The following NUDT7 variants were observed in gnomAD, a reference collection of about 807,000 sequenced individuals.
The protein encoded by NUDT7 is peroxisomal coenzyme A diphosphatase NUDT7.
A neutral mutation model predicts 13.1 loss-of-function variants in NUDT7; 19 were observed. The ratio of observed to expected loss-of-function variants is 1.45; its 90% CI spans 1.01 to 2.13. NUDT7 has a LOEUF of 2.13. Ranked by LOEUF, NUDT7 falls within the 30% of genes most tolerant of loss-of-function variation. The pLI, the probability that NUDT7 is intolerant of heterozygous loss-of-function variation, is 0.00. For synonymous variants in NUDT7, 132 were observed against 109.7 expected (o/e 1.20, Z -1.27); for missense variants, 360 against 291.7 (o/e 1.23, Z -1.71).
At position 77,741,899 on chromosome 16, in the gene NUDT7, C is replaced by G; in HGVS notation, c.666C>G (p.Ser222=). 6.2e-7 allele frequency: 1 copy of G among 1,612,746 alleles called. No homozygotes were observed. The highest frequency in any genetic ancestry group is 8.5e-7 in the Non-Finnish European group (1 of 1,179,626). ...TTAATCTTAATGATGTATTAGCATC[C>G]TCTGAAGAGTTATTCCTGAAGGTTC... is the stretch of plus-strand genomic sequence containing the variant. ...VQFNLNDVLA[S]SEELFLKVHK... The change falls in exon 4 of 4, where the codon TCC becomes TCG. Residue 222 remains serine, a synonymous_variant. Transcript: ENST00000268533.
chr16:77,739,594 T>C (rs2014594819), intron 3 of NUDT7, among the ~76,000 whole-genome samples: 1 of 152,190 alleles, frequency 6.6e-6, no homozygotes, highest in South Asian at 2.1e-4. Context: ...TTATGACTTG[T>C]ATCTCAGTCT....
chr16:77,734,487 C>A (rs8059535), intron 2 of NUDT7, among the ~76,000 whole-genome samples: 1 of 151,922 alleles, frequency 6.6e-6, no homozygotes, highest in African/African-American at 2.4e-5. Flanking sequence ...GCCGGGCATG[C>A]TGGTGGGCAC....
intron 1 of NUDT7, 67 bp from the exon 2 acceptor site, chr16:77,725,364 C>A: frequency 7.1e-7 from 1 of 1,409,956 alleles, no homozygotes; most frequent in Non-Finnish European, 9.7e-7. Flanking sequence ...GAAACAGAGG[C>A]AGGACTATAA....
intron 2 of NUDT7, among the ~76,000 whole-genome samples, chr16:77,725,873 G>T (rs76657221): frequency 6.6e-6 from 1 of 152,198 alleles, no homozygotes; most frequent in African/African-American, 2.4e-5. Context: ...TGGTGTGGAG[G>T]CTGTCCTGTA....
intron 3 of NUDT7, among the ~76,000 whole-genome samples, chr16:77,740,842 C>T (rs1167043846): frequency 6.6e-6 from 1 of 152,144 alleles, no homozygotes; most frequent in African/African-American, 2.4e-5. Flanking sequence ...GCCACCACAC[C>T]CGGCCACTCA....
At position 77,735,842 on chromosome 16, in the gene NUDT7, T is replaced by G; in HGVS notation, c.204T>G (p.Pro68=). ...TCTATATCCAGCTAAGAAGGGCCCC[T>G]GGAGAAGTTTGCTTCCCTGGAGGTA... The part of the protein sequence containing the change: ...TVRSEKLRRA[P]GEVCFPGGKR... Residue 68 remains proline (P), a synonymous_variant, in exon 3 of 4, where the codon CCT becomes CCG. Transcript: ENST00000268533. The G allele has an allele frequency of 6.2e-7, 1 of 1,613,816 alleles. No individual in the cohort carries two copies. The highest frequency in any genetic ancestry group is 8.5e-7 in the Non-Finnish European group (1 of 1,179,804).
chr16:77,725,249 C>T (rs750597516), intron 1 of NUDT7, among the ~76,000 whole-genome samples, 182 bp from the exon 2 acceptor site: 5 of 152,136 alleles, frequency 3.3e-5, no homozygotes, highest in Non-Finnish European at 2.9e-5. Context: ...TTGTCATTTT[C>T]ATCTTGCGAA....
intron 2 of NUDT7, 67 bp from the exon 3 acceptor site, chr16:77,735,761 T>C: frequency 7.0e-7 from 1 of 1,419,060 alleles, no homozygotes; most frequent in Non-Finnish European, 9.8e-7. Flanking sequence ...CAGTAAGTAT[T>C]TGTTGAATGC....
At chr16:77,735,554 T>TA (rs2014452357) in intron 2 of NUDT7, 1 of 541,846 alleles carries the variant, frequency 1.8e-6, no homozygotes, top group Non-Finnish European at 3.3e-6. Context: ...CAGTCTCAGT[T>TA]ATTTATTTAT....
intron 2 of NUDT7, among the ~76,000 whole-genome samples, chr16:77,726,166 A>G (rs2014129469): frequency 6.6e-6 from 1 of 152,218 alleles, no homozygotes; most frequent in Admixed American, 6.5e-5. Flanking sequence ...TCCACGTTGA[A>G]TCCAGGCTCT....
chr16:77,723,609 T>G (rs1423814791), intron 1 of NUDT7, among the ~76,000 whole-genome samples: 1 of 149,924 alleles, frequency 6.7e-6, no homozygotes, highest in Admixed American at 6.6e-5. Flanking sequence ...TTTTTTTTTT[T>G]TGAGACAGAG....
rs376987483 is a variant in NUDT7 at position 77,722,631 on chromosome 16, G to C, written c.35+14G>C. On this transcript the variant is annotated intron_variant, in intron 1 of 3. Transcript: ENST00000268533. ...GGAGCCAGTCAGGTAAAGGCTTTCC[G>C]GGCCCTGGCACCCCGAGCTTGGTCA... 155 of 1,588,078 alleles carry C rather than the reference G, an allele frequency of 9.8e-5. No homozygotes were observed. Among genetic ancestry groups the C allele is most frequent in the Non-Finnish European group, 1.2e-4 (139 of 1,166,526 alleles).
Position 77,725,532 on chromosome 16 carries a change from T to C in NUDT7, c.137T>C (p.Leu46Ser), listed in dbSNP as rs1255197153. 6.2e-7 allele frequency: 1 copy of C among 1,614,118 alleles called. No individual in the cohort carries two copies. Among genetic ancestry groups the C allele is most frequent in the South Asian group, 1.1e-5 (1 of 91,068 alleles). ...AACAAATACTCCGTCCTTTTGCCAT[T>C]GGTGGCTAAAGAAGGAAAACTCCAT... ...PYNKYSVLLP[L>S]VAKEGKLHLL... is the part of the protein sequence containing the mutation. The change falls in exon 2 of 4, where the codon TTG (leucine) becomes TCG (serine). Residue 46 changes from leucine to serine, a missense_variant. Physicochemically the swap from Leu to Ser is moderately radical, Grantham distance 145. Transcript: ENST00000268533.
At chr16:77,728,476 A>C (rs1279876132) in intron 2 of NUDT7, among the ~76,000 whole-genome samples, 2 of 152,118 alleles carry the variant, frequency 1.3e-5, no homozygotes, top group Non-Finnish European at 2.9e-5. Flanking sequence ...ATCTCAGGTG[A>C]TCTGCCCATC....
At chr16:77,737,314 C>CA (rs2014518553) in intron 3 of NUDT7, 1 of 152,184 alleles carries the variant, frequency 6.6e-6, no homozygotes, top group Non-Finnish European at 1.5e-5. Flanking sequence ...ATGACCCTGA[C>CA]AGTTTGGAGA....
At chr16:77,728,284 G>C (rs985790323) in intron 2 of NUDT7, among the ~76,000 whole-genome samples, 1 of 152,140 alleles carries the variant, frequency 6.6e-6, no homozygotes, top group Non-Finnish European at 1.5e-5. Context: ...CCAGGCTGGA[G>C]TGCAGTGGCG....
intron 2 of NUDT7, among the ~76,000 whole-genome samples, chr16:77,727,123 C>T (rs928366970): frequency 6.6e-6 from 1 of 152,110 alleles, no homozygotes; most frequent in Admixed American, 6.5e-5. Context: ...CCAGACCCCA[C>T]CTCCAACACT....
At chr16:77,725,317 G>A (rs965731339) in intron 1 of NUDT7, 114 bp from the exon 2 acceptor site, 1 of 878,126 alleles carries the variant, frequency 1.1e-6, no homozygotes, top group African/African-American at 1.7e-5. Flanking sequence ...TACACAGAGA[G>A]TCAGAAATGG....
chr16:77,722,560 G>T lies in NUDT7; in HGVS notation c.-23G>T. 1 of 1,578,376 alleles carries T rather than the reference G, an allele frequency of 6.3e-7. No individual in the cohort carries two copies. Among genetic ancestry groups the T allele is most frequent in the East Asian group, 2.3e-5 (1 of 42,878 alleles). On this transcript the variant is annotated 5_prime_UTR_variant, in exon 1 of 4. Coordinates refer to ENST00000268533, the MANE Select transcript of NUDT7 (RefSeq NM_001105663.3). ...CCGAGCAGCTCCGAGGAGTCCGCCC[G>T]GAAACAAACATTCCCCAGGGCAATG...
Sources: gnomAD v4.1 joint callset for allele counts (sites outside exome capture counted in the v4.1 genomes callset) on GRCh38, gnomAD v4.1.1 for gene constraint, MANE v1.5 for transcripts, NCBI Gene and HGNC (gene_info 2026-07-23, HGNC 2026-07-21) for gene names.